DLGAP4: variants seen among roughly 807,000 people sequenced by gnomAD.
DLGAP4 encodes DLG associated protein 4.
A neutral mutation model predicts 86.9 loss-of-function variants in DLGAP4; 18 were observed. The ratio of observed to expected loss-of-function variants is 0.21; its 90% CI spans 0.14 to 0.31. DLGAP4 has a LOEUF of 0.31. Among genes scored for constraint, DLGAP4 ranks in the 10% least tolerant of loss-of-function variants. The pLI is 1.00. For synonymous variants in DLGAP4, 548 were observed against 574.3 expected (o/e 0.95, Z 0.65); for missense variants, 1,085 against 1,362.6 (o/e 0.80, Z 3.21).
At chr20:36,378,027 G>C (rs1192200841) in intron 2 of DLGAP4, among the ~76,000 whole-genome samples, 1 of 152,196 alleles carries the variant, frequency 6.6e-6, no homozygotes, top group South Asian at 2.1e-4. Flanking sequence ...GCTGATTAGG[G>C]TAAGTCTTAC....
At chr20:36,313,829 C>T (rs1306803150) in intron 1 of DLGAP4, among the ~76,000 whole-genome samples, 1 of 152,134 alleles carries the variant, frequency 6.6e-6, no homozygotes, top group Admixed American at 6.5e-5. Context: ...AGGTAGACCC[C>T]AGGCAAGAGG....
intron 1 of DLGAP4, among the ~76,000 whole-genome samples, chr20:36,351,998 G>A (rs1236333616): frequency 6.6e-6 from 1 of 152,194 alleles, no homozygotes; most frequent in East Asian, 1.9e-4. Context: ...AGGCAGGTGA[G>A]ACAGGGTGTC....
chr20:36,320,145 G>GC (rs1401728044), intron 1 of DLGAP4, among the ~76,000 whole-genome samples: 1 of 74,580 alleles, frequency 1.3e-5, no homozygotes, highest in Non-Finnish European at 2.6e-5. Flanking sequence ...CCTCTCCCAG[G>GC]CCCCCCTCTG....
intron 10 of DLGAP4, among the ~76,000 whole-genome samples, chr20:36,515,625 A>G (rs553809905): frequency 1.3e-5 from 2 of 152,152 alleles, no homozygotes; most frequent in African/African-American, 2.4e-5. Context: ...GTCTCTCACT[A>G]TGTTGCCCAG....
intron 7 of DLGAP4, among the ~76,000 whole-genome samples, chr20:36,449,681 C>G (rs144172746): frequency 6.6e-6 from 1 of 152,212 alleles, no homozygotes; most frequent in African/African-American, 2.4e-5. Flanking sequence ...GAGGGATAGA[C>G]AGCACCCCTA....
Position 36,306,741 on chromosome 20 carries a change from C to T in DLGAP4, c.-304+229C>T, listed in dbSNP as rs1600386020. Among the ~76,000 whole-genome samples, 4 of 152,256 alleles carry T rather than the reference C, an allele frequency of 2.6e-5. No homozygotes were observed. The highest frequency in any genetic ancestry group is 9.6e-5 in the African/African-American group (4 of 41,562). On this transcript the variant is annotated intron_variant, in intron 1 of 12. Transcript: ENST00000339266. The surrounding 1 kb of genome is among the most constrained non-coding windows in gnomAD (Gnocchi z 4.9). ...GCGCCTTCTCCGGTTGGGATCGCCC[C>T]ATCCATGTCTCCCCGGACCCTCAAA... is the stretch of plus-strand genomic sequence containing the variant.
intron 10 of DLGAP4, among the ~76,000 whole-genome samples, chr20:36,509,670 A>T (rs148683061): frequency 5.9e-5 from 9 of 152,246 alleles, no homozygotes; most frequent in Non-Finnish European, 1.2e-4. Context: ...GGATTGCTCG[A>T]GTGTGGGAGA....
intron 10 of DLGAP4, among the ~76,000 whole-genome samples, chr20:36,517,466 C>T (rs1444504956): frequency 1.3e-5 from 2 of 152,006 alleles, no homozygotes; most frequent in Non-Finnish European, 2.9e-5. Flanking sequence ...GAGGTTTCAA[C>T]GTGTTGGCCA....
rs371598677 is a variant in DLGAP4 at position 36,401,055 on chromosome 20, AC to A, written c.-72-30587del. Among the ~76,000 whole-genome samples, 5 of 150,480 alleles carry A rather than the reference AC, an allele frequency of 3.3e-5. No homozygotes were observed. In the East Asian group the frequency reaches 7.8e-4, roughly 24 times the overall value. On this transcript the variant is annotated intron_variant, in intron 2 of 12. Transcript: ENST00000339266. ...GGCCAGTCAAACTCCTCCTGCCACCACCCCTCCTCCAGTCCCCCACCCGCCC... is the reference window on the plus strand; with the variant it reads ...GGCCAGTCAAACTCCTCCTGCCACCACCCTCCTCCAGTCCCCCACCCGCCC...
intron 7 of DLGAP4, chr20:36,473,206 C>T (rs2034752714): frequency 6.6e-6 from 1 of 152,218 alleles, no homozygotes; most frequent in African/African-American, 2.4e-5. Context: ...ACCATGAAAA[C>T]TCTTAAACTT....
At chr20:36,480,930 C>T (rs115998924) in intron 7 of DLGAP4, among the ~76,000 whole-genome samples, 2,820 of 152,100 alleles carry the variant, frequency 0.019, 87 homozygotes, top group African/African-American at 0.064. Flanking sequence ...TGCTTGAGCC[C>T]GGGCTATCAA....
At chr20:36,369,987 T>A (rs1015402771) in intron 2 of DLGAP4, among the ~76,000 whole-genome samples, 1 of 152,054 alleles carries the variant, frequency 6.6e-6, no homozygotes, top group Non-Finnish European at 1.5e-5. Flanking sequence ...GGAGGTGAGA[T>A]GAGAAACCAG....
At chr20:36,501,725 T>A (rs553325437) in intron 10 of DLGAP4, among the ~76,000 whole-genome samples, 1 of 152,180 alleles carries the variant, frequency 6.6e-6, no homozygotes, top group East Asian at 1.9e-4. Context: ...ATCCCATACA[T>A]GATGGAGGGG....
At chr20:36,466,798 G>A (rs1007802969) in intron 7 of DLGAP4, among the ~76,000 whole-genome samples, 4 of 152,170 alleles carry the variant, frequency 2.6e-5, no homozygotes, top group African/African-American at 9.7e-5. Context: ...TCCCTCCCCC[G>A]GGCTCCCTCG....
chr20:36,499,076 TG>T, intron 8 of DLGAP4: 1 of 675,100 alleles, frequency 1.5e-6, no homozygotes, highest in Non-Finnish European at 2.5e-6. Context: ...CAGGCGCCTC[TG>T]GCCTGCCCTC....
chr20:36,494,305 A>G (rs2147756536), intron 7 of DLGAP4, among the ~76,000 whole-genome samples: 1 of 152,268 alleles, frequency 6.6e-6, no homozygotes, highest in Middle Eastern at 3.4e-3. Flanking sequence ...TGTTACTTTC[A>G]AAGAACTCAC....
chr20:36,341,381 C>T (rs956700839), intron 1 of DLGAP4, among the ~76,000 whole-genome samples: 8 of 152,330 alleles, frequency 5.3e-5, no homozygotes, highest in Middle Eastern at 3.4e-3. Context: ...AAGAGCTCAG[C>T]GTCCTCATCT....
intron 7 of DLGAP4, among the ~76,000 whole-genome samples, 195 bp from the exon 8 acceptor site, chr20:36,496,510 A>G (rs542714356): frequency 3.3e-5 from 5 of 152,300 alleles, no homozygotes; most frequent in Admixed American, 2.6e-4. Context: ...GAGGGTGGGT[A>G]GGGCCTGTGT....
Position 36,439,751 on chromosome 20 carries a change from C to T in DLGAP4, c.1242-3C>T, listed in dbSNP as rs1436177488. 2 of 1,612,004 alleles carry T rather than the reference C, an allele frequency of 1.2e-6. No individual in the cohort carries two copies. The highest frequency in any genetic ancestry group is 1.7e-6 in the Non-Finnish European group (2 of 1,179,434). The stretch of plus-strand genomic sequence containing the variant: ...GCCCTGTCTGCTCCCCACTCCCCAC[C>T]AGGAGTCTGGACCGCCTGGATTCAG... On this transcript the variant is annotated splice_polypyrimidine_tract_variant and splice_region_variant and intron_variant, in intron 4 of 12. Transcript: ENST00000339266.
Sources: allele counts gnomAD v4.1 joint callset (sites outside exome capture counted in the v4.1 genomes callset), GRCh38; gene constraint gnomAD v4.1.1; non-coding constraint Gnocchi (gnomAD v3.1); transcripts MANE v1.5; gene names NCBI Gene and HGNC (gene_info 2026-07-23, HGNC 2026-07-21).